IYD: variants seen among roughly 807,000 people sequenced by gnomAD.
The protein encoded by IYD is iodotyrosine deiodinase 1.
Under a neutral mutation model 28.4 loss-of-function variants are expected in IYD, and 25 were observed. The ratio of observed to expected loss-of-function variants is 0.88; its 90% CI spans 0.64 to 1.23. The LOEUF is 1.23. IYD is among the 50% of genes most tolerant of loss of function. The probability of loss-of-function intolerance (pLI) is 0.00; values close to 1 mark genes in which losing one functional copy is unlikely to be tolerated. For synonymous variants in IYD, 140 were observed against 130.8 expected (o/e 1.07, Z -0.48); for missense variants, 352 against 357.9 (o/e 0.98, Z 0.13).
At chr6:150,376,989 A>G (rs1777467521) in intron 1 of IYD, among the ~76,000 whole-genome samples, 1 of 152,142 alleles carries the variant, frequency 6.6e-6, no homozygotes, top group South Asian at 2.1e-4. Context: ...AGTCTCTCTC[A>G]GTGCTTCAGG....
chr6:150,370,838 G>T (rs919349762), intron 1 of IYD, among the ~76,000 whole-genome samples: 1 of 152,182 alleles, frequency 6.6e-6, no homozygotes, highest in Admixed American at 6.5e-5. Context: ...TCATAAGTGG[G>T]TGAGGGAATG....
chr6:150,369,163 G>A lies in IYD; in HGVS notation c.132G>A (p.Val44=). 2 of 1,613,826 alleles carry A rather than the reference G, an allele frequency of 1.2e-6. No homozygotes were observed. Among genetic ancestry groups the A allele is most frequent in the Non-Finnish European group, 1.7e-6 (2 of 1,179,988 alleles). Residue 44 remains valine, a synonymous_variant, in exon 1 of 5, where the codon GTG becomes GTA. Transcript: ENST00000344419. Reference sequence around the variant, plus strand: ...CCAGGGCCGAAGCTCGCCCCTGGGTGGATGAAGACTTAAAAGACAGCAGTG... The same window carrying A: ...CCAGGGCCGAAGCTCGCCCCTGGGTAGATGAAGACTTAAAAGACAGCAGTG... The part of the protein sequence containing the change: ...PRTRAEARPW[V]DEDLKDSSDL...
intron 1 of IYD, among the ~76,000 whole-genome samples, chr6:150,388,231 C>A (rs1219496908): frequency 1.3e-5 from 2 of 152,158 alleles, no homozygotes; most frequent in East Asian, 3.9e-4. Context: ...TTGACACTTC[C>A]CCTAAGGATG....
rs11962989 is a variant in IYD, at chr6:150,401,008, A to G, written c.*2771A>G. 2,802 of 152,304 alleles carry G rather than the reference A, an allele frequency of 0.018. 69 individuals are homozygous for G. The highest frequency in any genetic ancestry group is 0.061 in the African/African-American group (2,515 of 41,544). 9.4% of individuals were successfully genotyped at this position (152,304 alleles called of 1,614,324 possible). On this transcript the variant is annotated 3_prime_UTR_variant, in exon 5 of 5. Coordinates refer to ENST00000344419, the MANE Select transcript of IYD (RefSeq NM_203395.3). ...TACTGAGAGATGAAGCATCATATTG[A>G]CAACTTACTCCAGGAAAAAAGGTGT... is the stretch of plus-strand genomic sequence containing the variant.
intron 2 of IYD, among the ~76,000 whole-genome samples, chr6:150,391,573 G>A (rs968731675): frequency 1.3e-5 from 2 of 152,124 alleles, no homozygotes; most frequent in African/African-American, 4.8e-5. Flanking sequence ...CCACAACCCT[G>A]GAACTACAGA....
chr6:150,398,162 G>T lies in IYD; in HGVS notation c.795G>T (p.Val265=). The T allele has an allele frequency of 6.2e-7, 1 of 1,614,174 alleles. No homozygotes were observed. The highest frequency in any genetic ancestry group is 1.1e-5 in the South Asian group (1 of 91,070). The change falls in exon 5 of 5, where the codon GTG becomes GTT. Residue 265 remains valine (V), a synonymous_variant. Coordinates refer to ENST00000344419, the MANE Select transcript of IYD (RefSeq NM_203395.3). ...AHEKLLMLLP[V]GYPSKEATVP... is the part of the protein sequence containing the mutation. Reference sequence around the variant, plus strand: ...AAAAGCTGCTGATGCTGCTCCCCGTGGGGTACCCCAGCAAGGAGGCCACGG... The same window carrying T: ...AAAAGCTGCTGATGCTGCTCCCCGTTGGGTACCCCAGCAAGGAGGCCACGG...
chr6:150,369,931 G>C, intron 1 of IYD: 1 of 701,482 alleles, frequency 1.4e-6, no homozygotes. Context: ...GAGGGTGGAG[G>C]GAGAGGGTAA....
At chr6:150,388,675 CTTT>C (rs1777990962) in intron 1 of IYD, among the ~76,000 whole-genome samples, 2 of 133,414 alleles carry the variant, frequency 1.5e-5, no homozygotes, top group African/African-American at 5.6e-5. Flanking sequence ...TTCTTTCTTT[CTTT>C]CTTTCTTCTT....
At chr6:150,389,579 G>A (rs376888404) in intron 2 of IYD, 36 bp downstream of exon 2, 150 of 1,551,178 alleles carry the variant, frequency 9.7e-5, no homozygotes, top group Non-Finnish European at 1.3e-4. Flanking sequence ...GGAAATGTTA[G>A]TCACCTTACT....
chr6:150,396,439 G>C, intron 4 of IYD: 2 of 678,368 alleles, frequency 2.9e-6, no homozygotes, highest in East Asian at 5.6e-5. Flanking sequence ...ATTAATAAGA[G>C]GAATTGTTTA....
At position 150,392,413 on chromosome 6, in the gene IYD, C is replaced by A. The variant is rs754152959; in HGVS notation, c.439C>A (p.His147Asn). The change falls in exon 3 of 5, where the codon CAC becomes AAC. Residue 147 changes from histidine to asparagine, a missense_variant. Physicochemically the swap from His to Asn is moderately conservative, Grantham distance 68. Transcript: ENST00000344419. ...FVVVKDPDVK[H>N]KIRKIIEEEE... is the part of the protein sequence containing the mutation. ...GGTTGTGAAGGACCCAGACGTGAAGCACAAGATTCGAAAGATCATTGAGGA... is the reference window on the plus strand; with the variant it reads ...GGTTGTGAAGGACCCAGACGTGAAGAACAAGATTCGAAAGATCATTGAGGA... The A allele has an allele frequency of 4.3e-5, 69 of 1,613,930 alleles. 1 individual carries two copies. In the East Asian group the frequency reaches 1.1e-3, roughly 27 times the overall value.
Position 150,404,305 on chromosome 6 carries a change from G to A in IYD, c.*6068G>A, listed in dbSNP as rs1477768140. 1 of 152,190 alleles carries A rather than the reference G, an allele frequency of 6.6e-6. No individual in the cohort carries two copies. The highest frequency in any genetic ancestry group is 1.5e-5 in the Non-Finnish European group (1 of 68,032). 9.4% of individuals were successfully genotyped at this position (152,190 alleles called of 1,614,324 possible). A position where few individuals can be genotyped will look rare whatever the true frequency, so the allele number is the denominator to read the frequency against. On this transcript the variant is annotated 3_prime_UTR_variant, in exon 5 of 5. Transcript: ENST00000344419. The stretch of plus-strand genomic sequence containing the variant: ...ATGTTAAGTTTAGGACTAATCTTGT[G>A]TATGCTCCTTAAGTGATTTGAATCT...
At chr6:150,379,425 T>C (rs1582777044) in intron 1 of IYD, among the ~76,000 whole-genome samples, 2 of 152,216 alleles carry the variant, frequency 1.3e-5, no homozygotes, top group East Asian at 3.8e-4. Context: ...TTCTTATTCC[T>C]CAAGTTTCAC....
At chr6:150,376,842 G>T (rs940944077) in intron 1 of IYD, among the ~76,000 whole-genome samples, 1 of 151,964 alleles carries the variant, frequency 6.6e-6, no homozygotes, top group Non-Finnish European at 1.5e-5. Context: ...GGCTGGTCTC[G>T]AACTCCTGGG....
chr6:150,378,294 G>A (rs894879871), intron 1 of IYD, among the ~76,000 whole-genome samples: 6 of 149,414 alleles, frequency 4.0e-5, no homozygotes, highest in African/African-American at 1.5e-4. Flanking sequence ...TCGTCATTTA[G>A]CATTAGGTAT....
chr6:150,402,505 C>T lies in IYD; in HGVS notation c.*4268C>T, dbSNP rs1178591050. 2 of 152,234 alleles carry T rather than the reference C, an allele frequency of 1.3e-5. No homozygotes were observed. Among genetic ancestry groups the T allele is most frequent in the African/African-American group, 4.8e-5 (2 of 41,534 alleles). The allele number at this position is 152,234 out of a possible 1,614,324, so 9.4% of individuals were successfully genotyped here. Reference sequence around the variant, plus strand: ...ATAACTCTGGATTTGGAAAACAAAACTGGATATAACAGAAAAGAAAAGGAG... The same window carrying T: ...ATAACTCTGGATTTGGAAAACAAAATTGGATATAACAGAAAAGAAAAGGAG... On this transcript the variant is annotated 3_prime_UTR_variant, in exon 5 of 5. Transcript: ENST00000344419.
chr6:150,369,943 A>T, intron 1 of IYD: 1 of 701,896 alleles, frequency 1.4e-6, no homozygotes, highest in Non-Finnish European at 2.6e-6. Context: ...AGAGGGTAAG[A>T]ATGGAAGTAG....
rs550856239 is a variant in IYD at position 150,378,269 on chromosome 6, G to A, written c.178+9060G>A. On this transcript the variant is annotated intron_variant, in intron 1 of 4. Coordinates refer to ENST00000344419, the MANE Select transcript of IYD (RefSeq NM_203395.3). ...ATGTATACATGTGCCATGCTGGTGC[G>A]CTGCACCCATTAACTCGTCATTTAG... 8.0e-5 allele frequency among the ~76,000 whole-genome samples: 12 copies of A among 149,316 alleles called. 2 individuals are homozygous for A. In the East Asian group the frequency reaches 1.7e-3, roughly 21 times the overall value.
rs921792083 is a variant in IYD at position 150,403,762 on chromosome 6, C to G, written c.*5525C>G. ...GATTGGTTTATGTTATTATCATGAC[C>G]TGAGAGTCATGGCTCAGAGCCAAAT... On this transcript the variant is annotated 3_prime_UTR_variant, in exon 5 of 5. Coordinates refer to ENST00000344419, the MANE Select transcript of IYD (RefSeq NM_203395.3). 1 of 152,186 alleles carries G rather than the reference C, an allele frequency of 6.6e-6. No individual in the cohort carries two copies. Among genetic ancestry groups the G allele is most frequent in the Non-Finnish European group, 1.5e-5 (1 of 68,044 alleles). 9.4% of individuals were successfully genotyped at this position (152,186 alleles called of 1,614,324 possible). A position where few individuals can be genotyped will look rare whatever the true frequency, so the allele number is the denominator to read the frequency against.
Sources: allele counts gnomAD v4.1 joint callset (sites outside exome capture counted in the v4.1 genomes callset), GRCh38; gene constraint gnomAD v4.1.1; transcripts MANE v1.5; gene names NCBI Gene and HGNC (gene_info 2026-07-23, HGNC 2026-07-21).